CFAP263: variants seen among roughly 807,000 people sequenced by gnomAD.
CFAP263 encodes the protein cilia and flagella associated protein 263.
At chr16:58,275,869 C>A in the CFAP263 span, among the ~76,000 whole-genome samples, 1 of 152,102 alleles carries the variant, frequency 6.6e-6, no homozygotes, top group Non-Finnish European at 1.5e-5. Flanking sequence ...GTAATAAAAC[C>A]ATTAAAATCC....
At chr16:58,257,040 C>T in the CFAP263 span, among the ~76,000 whole-genome samples, 2 of 2,302 alleles carry the variant, frequency 8.7e-4, no homozygotes. Context: ...TTTTTTGAGA[C>T]GGAGTCTCGC....
At chr16:58,259,904 G>T in the CFAP263 span, 1 of 1,605,362 alleles carries the variant, frequency 6.2e-7, no homozygotes, top group Admixed American at 1.7e-5. Context: ...TCAAAGTTCA[G>T]AGGAAAAAAA....
At chr16:58,250,033 G>T in the CFAP263 span, 1 of 1,595,732 alleles carries the variant, frequency 6.3e-7, no homozygotes. Flanking sequence ...TGATGAGTCC[G>T]AGAGCGTCCT....
At chr16:58,255,045 A>C in the CFAP263 span, among the ~76,000 whole-genome samples, 1 of 152,202 alleles carries the variant, frequency 6.6e-6, no homozygotes, top group Non-Finnish European at 1.5e-5. Context: ...ATTACAAGGC[A>C]AAGTCCCACG....
the CFAP263 span, among the ~76,000 whole-genome samples, chr16:58,269,812 A>T: frequency 6.6e-6 from 1 of 152,150 alleles, no homozygotes; most frequent in Non-Finnish European, 1.5e-5. Context: ...CTGTGGATAC[A>T]TGTTTTCTTT....
the CFAP263 span, chr16:58,250,360 G>T: frequency 2.3e-6 from 1 of 432,208 alleles, no homozygotes; most frequent in Non-Finnish European, 4.1e-6. Context: ...GGGGAAGTGA[G>T]GGTTTCAGCC....
the CFAP263 span, among the ~76,000 whole-genome samples, chr16:58,270,050 T>A: frequency 6.6e-6 from 1 of 152,224 alleles, no homozygotes; most frequent in Non-Finnish European, 1.5e-5. Context: ...AAGTGATAGC[T>A]CGTTGTGGTT....
At chr16:58,282,694 T>G in the CFAP263 span, 14 of 152,382 alleles carry the variant, frequency 9.2e-5, no homozygotes, top group East Asian at 1.5e-3. Context: ...TTCAATTGAC[T>G]GGTGAAGAGG....
the CFAP263 span, among the ~76,000 whole-genome samples, chr16:58,255,593 G>A: frequency 7.1e-6 from 1 of 141,020 alleles, no homozygotes; most frequent in Non-Finnish European, 1.5e-5. Context: ...TTTTTGGGAT[G>A]GAGTCTTGCT....
the CFAP263 span, among the ~76,000 whole-genome samples, chr16:58,269,715 A>G: frequency 4.6e-5 from 7 of 152,158 alleles, no homozygotes; most frequent in Non-Finnish European, 1.0e-4. Flanking sequence ...CATTTTATTT[A>G]TCCATTCATC....
the CFAP263 span, chr16:58,278,442 G>T: frequency 6.2e-7 from 1 of 1,601,504 alleles, no homozygotes; most frequent in East Asian, 2.2e-5. Context: ...AGCAAGAGCT[G>T]CTGGGGTTCC....
the CFAP263 span, among the ~76,000 whole-genome samples, chr16:58,253,082 T>C: frequency 2.0e-5 from 3 of 152,218 alleles, no homozygotes; most frequent in Non-Finnish European, 4.4e-5. Context: ...CTTAGTTTAC[T>C]TGAAAGAATT....
At chr16:58,254,174 C>T in the CFAP263 span, 6 of 1,613,930 alleles carry the variant, frequency 3.7e-6, no homozygotes, top group South Asian at 5.5e-5. Context: ...ACCTTCCTGC[C>T]AGCGCAGCCT....
chr16:58,258,570 G>T, the CFAP263 span: 1 of 1,571,130 alleles, frequency 6.4e-7, no homozygotes, highest in Non-Finnish European at 8.7e-7. Context: ...ATTCTTACAG[G>T]GATGTTATGG....
chr16:58,262,351 G>T, the CFAP263 span: 1 of 1,578,036 alleles, frequency 6.3e-7, no homozygotes, highest in Non-Finnish European at 8.7e-7. Context: ...CACAACTGAC[G>T]TATCATCTTT....
At chr16:58,268,601 A>C in the CFAP263 span, among the ~76,000 whole-genome samples, 2 of 152,186 alleles carry the variant, frequency 1.3e-5, no homozygotes, top group African/African-American at 4.8e-5. Flanking sequence ...CCAAAGCCAC[A>C]GGATTATTCA....
chr16:58,264,204 C>T, the CFAP263 span, among the ~76,000 whole-genome samples: 12 of 152,198 alleles, frequency 7.9e-5, no homozygotes, highest in Admixed American at 2.6e-4. Flanking sequence ...GTTCCTGTGA[C>T]TTCCAGGCCC....
At chr16:58,275,697 C>T in the CFAP263 span, among the ~76,000 whole-genome samples, 1 of 152,094 alleles carries the variant, frequency 6.6e-6, no homozygotes, top group East Asian at 1.9e-4. Flanking sequence ...ATATTGATAC[C>T]TTTATGATAA....
chr16:58,282,710 G>A, the CFAP263 span: 1 of 152,284 alleles, frequency 6.6e-6, no homozygotes, highest in Non-Finnish European at 1.5e-5. Flanking sequence ...AGAGGCCCTT[G>A]TGTGCACCTC....
Sources: allele counts gnomAD v4.1 joint callset (sites outside exome capture counted in the v4.1 genomes callset), GRCh38; gene constraint gnomAD v4.1.1; transcripts MANE v1.5; gene names NCBI Gene and HGNC (gene_info 2026-07-23, HGNC 2026-07-21).